The following TSPAN15 variants were observed in gnomAD, a reference collection of about 807,000 sequenced individuals.
TSPAN15 encodes tetraspanin-15.
A neutral mutation model predicts 34.5 loss-of-function variants in TSPAN15; 20 were observed. The ratio of observed to expected loss-of-function variants is 0.58; its 90% confidence interval spans 0.41 to 0.84. The LOEUF is 0.84. Ranked by LOEUF, TSPAN15 falls within the 40% of genes least tolerant of loss-of-function variation. The pLI, the probability that TSPAN15 is intolerant of heterozygous loss-of-function variation, is 0.00. For synonymous variants in TSPAN15, 155 were observed against 153.9 expected (o/e 1.01, Z -0.05); for missense variants, 313 against 386.1 (o/e 0.81, Z 1.59).
the TSPAN15 span, among the ~76,000 whole-genome samples, chr10:69,516,592 G>A: frequency 6.6e-6 from 1 of 152,216 alleles, no homozygotes; most frequent in Non-Finnish European, 1.5e-5. Flanking sequence ...GCAAGAGGAT[G>A]ATCCCCACTT....
At chr10:69,521,702 G>A in the TSPAN15 span, among the ~76,000 whole-genome samples, 1 of 147,790 alleles carries the variant, frequency 6.8e-6, no homozygotes, top group African/African-American at 2.5e-5. Context: ...CCTGGACATC[G>A]GTGCTCCTAT....
At chr10:69,508,650 A>T (rs112352921), downstream of TSPAN15, among the ~76,000 whole-genome samples, 1 of 152,026 alleles carries the variant, frequency 6.6e-6, no homozygotes, top group South Asian at 2.1e-4. Flanking sequence ...TAACAAACAC[A>T]CCATAGAGCA....
chr10:69,467,452 C>T (rs76592185), intron 1 of TSPAN15, among the ~76,000 whole-genome samples: 1,769 of 152,222 alleles, frequency 0.012, 19 homozygotes, highest in Non-Finnish European at 0.019. Context: ...CTGTAGTAAA[C>T]AAACCTCTTC....
chr10:69,515,861 C>A, the TSPAN15 span, among the ~76,000 whole-genome samples: 1 of 152,344 alleles, frequency 6.6e-6, no homozygotes, highest in South Asian at 2.1e-4. Context: ...CTCAGCAACT[C>A]CACCCTCTCC....
In TSPAN15 at chr10:69,482,996, T is replaced by A. The variant is rs111752366; in HGVS notation, c.97-695T>A. Among the ~76,000 whole-genome samples, 4 of 152,168 alleles carry A rather than the reference T, an allele frequency of 2.6e-5. No homozygotes were observed. The East Asian group carries it at 7.7e-4, about 29-fold the overall frequency. ...TTTTTTTGTTGTTGTTGTTGTTGTT[T>A]TTTGTTTTTTGAGACCGAGTCTCGC... On this transcript the variant is annotated intron_variant, in intron 1 of 7. Coordinates refer to ENST00000373290, the MANE Select transcript of TSPAN15 (RefSeq NM_012339.5).
At chr10:69,502,132 A>T (rs1216510121) in intron 5 of TSPAN15, among the ~76,000 whole-genome samples, 1 of 152,240 alleles carries the variant, frequency 6.6e-6, no homozygotes, top group East Asian at 1.9e-4. Context: ...AGAACATACC[A>T]GCAGAACATA....
chr10:69,534,638 G>T, the TSPAN15 span, among the ~76,000 whole-genome samples: 1 of 151,966 alleles, frequency 6.6e-6, no homozygotes, highest in South Asian at 2.1e-4. Context: ...AGAATTCTTG[G>T]CATGGAAGAA....
chr10:69,539,040 T>G, the TSPAN15 span, among the ~76,000 whole-genome samples: 1 of 152,106 alleles, frequency 6.6e-6, no homozygotes, highest in African/African-American at 2.4e-5. Flanking sequence ...AGTCCTAAAT[T>G]TGGCTCATAG....
chr10:69,519,809 C>T, the TSPAN15 span, among the ~76,000 whole-genome samples: 9 of 152,036 alleles, frequency 5.9e-5, no homozygotes, highest in East Asian at 7.7e-4. Flanking sequence ...CTCGGCTCAC[C>T]GCAACCTCTG....
intron 5 of TSPAN15, among the ~76,000 whole-genome samples, chr10:69,501,022 A>AG (rs2133154516): frequency 6.6e-6 from 1 of 152,280 alleles, no homozygotes; most frequent in Non-Finnish European, 1.5e-5. Flanking sequence ...CTCGCATAGC[A>AG]GATGTGGGCG....
intron 1 of TSPAN15, among the ~76,000 whole-genome samples, chr10:69,482,814 TCTC>T (rs1305449408): frequency 1.3e-5 from 2 of 152,050 alleles, no homozygotes; most frequent in Non-Finnish European, 2.9e-5. Context: ...CCATCTATAC[TCTC>T]CTCTAAAGTG....
downstream of TSPAN15, among the ~76,000 whole-genome samples, chr10:69,509,945 T>A (rs1842398754): frequency 6.6e-6 from 1 of 152,228 alleles, no homozygotes; most frequent in African/African-American, 2.4e-5. Context: ...TATATATCTG[T>A]TTTGGTACCA....
intron 5 of TSPAN15, 86 bp downstream of exon 5, chr10:69,498,482 G>A (rs1842137132): frequency 8.9e-7 from 1 of 1,122,392 alleles, no homozygotes; most frequent in African/African-American, 1.5e-5. Flanking sequence ...CCAACTTGAA[G>A]ATGGGTGGTG....
chr10:69,507,504 T>C lies in TSPAN15; in HGVS notation c.*526T>C, dbSNP rs1351464210. ...CCTCTTGCAAGGGCGGCTGCTTCCT[T>C]GAGCCTAGTTTTTTTACGTGATTTT... is the stretch of plus-strand genomic sequence containing the variant. On this transcript the variant is annotated 3_prime_UTR_variant, in exon 8 of 8. Coordinates refer to ENST00000373290, the MANE Select transcript of TSPAN15 (RefSeq NM_012339.5). 7.7e-7 allele frequency: 1 copy of C among 1,304,310 alleles called. No homozygotes were observed. The highest frequency in any genetic ancestry group is 1.0e-6 in the Non-Finnish European group (1 of 989,232). 80.8% of individuals were successfully genotyped at this position (1,304,310 alleles called of 1,614,324 possible). A position where few individuals can be genotyped will look rare whatever the true frequency, so the allele number is the denominator to read the frequency against.
At chr10:69,501,200 G>A (rs1459553393) in intron 5 of TSPAN15, among the ~76,000 whole-genome samples, 1 of 152,184 alleles carries the variant, frequency 6.6e-6, no homozygotes, top group Non-Finnish European at 1.5e-5. Flanking sequence ...ATCCCATCAG[G>A]GGTGTCAAAG....
chr10:69,493,685 G>T (rs190437737), intron 3 of TSPAN15, among the ~76,000 whole-genome samples: 1,887 of 152,300 alleles, frequency 0.012, 22 homozygotes, highest in Non-Finnish European at 0.02. Flanking sequence ...AGTTAGCCAG[G>T]ATGGTCTTGA....
chr10:69,511,704 G>C (rs1338551148), downstream of TSPAN15, among the ~76,000 whole-genome samples: 1 of 152,072 alleles, frequency 6.6e-6, no homozygotes, highest in Non-Finnish European at 1.5e-5. Context: ...TCTCTTGTGG[G>C]CATTTAGTGC....
Position 69,451,606 on chromosome 10 carries a change from G to A in TSPAN15, c.12G>A (p.Gly4=), listed in dbSNP as rs1206470188. 1.3e-6 allele frequency: 2 copies of A among 1,504,576 alleles called. No individual in the cohort carries two copies. The highest frequency in any genetic ancestry group is 2.2e-5 in the Admixed American group (1 of 45,838). The allele number at this position is 1,504,576 out of a possible 1,614,324, so 93.2% of individuals were successfully genotyped here. The change falls in exon 1 of 8, where the codon GGG becomes GGA. Residue 4 remains glycine (G), a synonymous_variant. Coordinates refer to ENST00000373290, the MANE Select transcript of TSPAN15 (RefSeq NM_012339.5). MPR[G]DSEQVRYCAR... is the part of the protein sequence containing the mutation. ...GGGGAGCGCCCAGGATGCCGCGCGGGGACTCGGAGCAGGTGCGCTACTGCG... is the reference window on the plus strand; with the variant it reads ...GGGGAGCGCCCAGGATGCCGCGCGGAGACTCGGAGCAGGTGCGCTACTGCG...
chr10:69,520,993 CTTTT>C, the TSPAN15 span, among the ~76,000 whole-genome samples: 2 of 148,250 alleles, frequency 1.3e-5, no homozygotes, highest in Non-Finnish European at 1.5e-5. Flanking sequence ...TGTTATTTTC[CTTTT>C]TTTTTTTTTT....
Sources: gnomAD v4.1 joint callset for allele counts (sites outside exome capture counted in the v4.1 genomes callset) on GRCh38, gnomAD v4.1.1 for gene constraint, MANE v1.5 for transcripts, NCBI Gene and HGNC (gene_info 2026-07-23, HGNC 2026-07-21) for gene names.